SDK1: variants seen among roughly 807,000 people sequenced by gnomAD.
SDK1 encodes sidekick cell adhesion molecule 1.
SDK1 carries 157 observed loss-of-function variants against 245.5 expected under a neutral mutation model. That is an observed-to-expected ratio of 0.64 (90% CI 0.56 to 0.73). The LOEUF (loss-of-function observed/expected upper bound fraction) is 0.73, where lower values mean the gene tolerates loss of function less well. Ranked by LOEUF, SDK1 falls within the 30% of genes least tolerant of loss-of-function variation. The pLI is 0.00. For synonymous variants in SDK1, 1,647 were observed against 1,278.5 expected (o/e 1.29, Z -6.15); for missense variants, 3,583 against 3,002.3 (o/e 1.19, Z -4.52).
chr7:3,644,413 C>T (rs1007677772), intron 4 of SDK1, among the ~76,000 whole-genome samples: 2 of 151,512 alleles, frequency 1.3e-5, no homozygotes, highest in South Asian at 2.1e-4. Context: ...CCTCGAGTTT[C>T]GATGAAACAA....
chr7:3,732,471 C>A (rs1203908582), intron 4 of SDK1, among the ~76,000 whole-genome samples: 1 of 152,188 alleles, frequency 6.6e-6, no homozygotes, highest in African/African-American at 2.4e-5. Flanking sequence ...ATATTTATAG[C>A]ATTTGCATCC....
At chr7:3,851,885 T>C (rs1378412691) in intron 5 of SDK1, among the ~76,000 whole-genome samples, 3 of 152,226 alleles carry the variant, frequency 2.0e-5, no homozygotes. Context: ...AATGGTATAT[T>C]CTCATACCCC....
intron 1 of SDK1, among the ~76,000 whole-genome samples, chr7:3,554,541 T>C (rs1384069275): frequency 6.6e-6 from 1 of 152,152 alleles, no homozygotes; most frequent in Non-Finnish European, 1.5e-5. Context: ...TTGTACTCAC[T>C]CCTCCATAGG....
chr7:4,098,870 C>CCTATGTGG (rs372090358), intron 22 of SDK1, among the ~76,000 whole-genome samples: 234 of 136,064 alleles, frequency 1.7e-3, no homozygotes, highest in African/African-American at 6.5e-3. Context: ...ATGGGGTCTC[C>CCTATGTGG]CTATGTGGCC....
At chr7:3,336,552 C>T (rs190748001) in intron 1 of SDK1, among the ~76,000 whole-genome samples, 1 of 152,100 alleles carries the variant, frequency 6.6e-6, no homozygotes, top group Non-Finnish European at 1.5e-5. Flanking sequence ...GCCTCCACAC[C>T]CACTGGTGGC....
chr7:4,000,301 A>G (rs947378458), intron 14 of SDK1, among the ~76,000 whole-genome samples: 10 of 152,210 alleles, frequency 6.6e-5, no homozygotes, highest in Non-Finnish European at 1.5e-4. Flanking sequence ...TTCCTCCAGC[A>G]TGGAACGTTC....
chr7:3,998,853 G>A (rs1348335968), intron 14 of SDK1, among the ~76,000 whole-genome samples: 2 of 152,160 alleles, frequency 1.3e-5, no homozygotes, highest in Non-Finnish European at 2.9e-5. Flanking sequence ...GCTTCTCTGG[G>A]TGAATGTGGG....
chr7:3,421,454 C>T (rs1012438807), intron 1 of SDK1, among the ~76,000 whole-genome samples: 15 of 152,194 alleles, frequency 9.9e-5, no homozygotes, highest in Non-Finnish European at 2.1e-4. Flanking sequence ...TTACCAAAGC[C>T]TTTTAAAACT....
At chr7:3,399,852 C>T (rs1221581872) in intron 1 of SDK1, among the ~76,000 whole-genome samples, 1 of 152,118 alleles carries the variant, frequency 6.6e-6, no homozygotes, top group African/African-American at 2.4e-5. Context: ...TCTCATTTCA[C>T]AGGTCTCCCA....
chr7:4,245,903 A>C, intron 44 of SDK1, 98 bp downstream of exon 44: 1 of 1,431,980 alleles, frequency 7.0e-7, no homozygotes, highest in Admixed American at 1.8e-5. Context: ...TTTGAGTCTC[A>C]TAACATCCCC....
chr7:4,181,967 T>C (rs933094584), intron 35 of SDK1, among the ~76,000 whole-genome samples: 1 of 152,136 alleles, frequency 6.6e-6, no homozygotes, highest in African/African-American at 2.4e-5. Flanking sequence ...TCACCCAGGC[T>C]GGAGTGCAAT....
At chr7:3,559,083 G>T (rs1779672383) in intron 1 of SDK1, among the ~76,000 whole-genome samples, 1 of 152,162 alleles carries the variant, frequency 6.6e-6, no homozygotes, top group Non-Finnish European at 1.5e-5. Context: ...AAGCAAGCAT[G>T]TTCCCTCTGA....
chr7:3,982,163 G>C (rs1783457091), intron 13 of SDK1, among the ~76,000 whole-genome samples: 1 of 152,180 alleles, frequency 6.6e-6, no homozygotes, highest in Non-Finnish European at 1.5e-5. Flanking sequence ...CTTTGCCTGT[G>C]CTCTGTAAAT....
intron 5 of SDK1, among the ~76,000 whole-genome samples, chr7:3,932,931 C>G: frequency 6.6e-6 from 1 of 152,044 alleles, no homozygotes; most frequent in East Asian, 1.9e-4. Context: ...TGATTATTTA[C>G]GCTTCTCAGA....
intron 1 of SDK1, among the ~76,000 whole-genome samples, chr7:3,581,998 A>G (rs1473805531): frequency 1.3e-5 from 2 of 152,090 alleles, no homozygotes; most frequent in Non-Finnish European, 2.9e-5. Flanking sequence ...TGAGGGTGGA[A>G]GCCTCCCTCA....
chr7:3,531,792 A>G (rs1002456103), intron 1 of SDK1, among the ~76,000 whole-genome samples: 4 of 152,232 alleles, frequency 2.6e-5, no homozygotes, highest in African/African-American at 9.6e-5. Context: ...TGAACAATGT[A>G]AAGTGTTACA....
chr7:3,444,858 A>G (rs1434310252), intron 1 of SDK1, among the ~76,000 whole-genome samples: 1 of 152,216 alleles, frequency 6.6e-6, no homozygotes, highest in Non-Finnish European at 1.5e-5. Context: ...CATGGTTTGA[A>G]TAGCCTCAGT....
intron 5 of SDK1, among the ~76,000 whole-genome samples, chr7:3,882,171 A>T (rs1466393022): frequency 6.6e-6 from 1 of 151,972 alleles, no homozygotes; most frequent in Non-Finnish European, 1.5e-5. Flanking sequence ...AGTATGGGGG[A>T]AACTGCTCCA....
intron 40 of SDK1, among the ~76,000 whole-genome samples, chr7:4,224,950 T>G (rs577150786): frequency 1.7e-5 from 2 of 117,272 alleles, no homozygotes; most frequent in African/African-American, 6.4e-5. Flanking sequence ...GCCACTGCAC[T>G]CTAGCCTGGG....
Sources: allele counts gnomAD v4.1 joint callset (sites outside exome capture counted in the v4.1 genomes callset), GRCh38; gene constraint gnomAD v4.1.1; transcripts MANE v1.5; gene names NCBI Gene and HGNC (gene_info 2026-07-23, HGNC 2026-07-21).